The following ANKS1B variants were observed in gnomAD, a reference collection of about 807,000 sequenced individuals.
ANKS1B encodes the protein ankyrin repeat and sterile alpha motif domain-containing protein 1B.
A neutral mutation model predicts 148.3 loss-of-function variants in ANKS1B; 36 were observed. The observed-to-expected ratio is 0.24, with a 90% confidence interval of 0.19 to 0.32. The LOEUF is 0.32. Ranked by LOEUF, ANKS1B falls within the 10% of genes least tolerant of loss-of-function variation. The pLI is 1.00. For synonymous variants in ANKS1B, 542 were observed against 560.8 expected (o/e 0.97, Z 0.47); for missense variants, 1,157 against 1,542.6 (o/e 0.75, Z 4.19).
intron 14 of ANKS1B, among the ~76,000 whole-genome samples, chr12:99,208,780 T>G (rs1232482474): frequency 6.6e-6 from 1 of 152,214 alleles, no homozygotes; most frequent in Non-Finnish European, 1.5e-5. Flanking sequence ...TATGGCTTTT[T>G]AATTTGAAAC....
intron 2 of ANKS1B, among the ~76,000 whole-genome samples, chr12:99,818,452 T>C (rs1481838370): frequency 1.3e-5 from 2 of 151,786 alleles, no homozygotes; most frequent in African/African-American, 2.4e-5. Flanking sequence ...AAATTAATGT[T>C]AAAAAATTCA....
intron 14 of ANKS1B, among the ~76,000 whole-genome samples, chr12:99,244,030 GACTT>G (rs1405313338): frequency 6.6e-6 from 1 of 150,910 alleles, no homozygotes; most frequent in East Asian, 1.9e-4. Context: ...ATAAAAAAAA[GACTT>G]ACAACCAACA....
In ANKS1B at chr12:98,744,259, T is replaced by C. The variant is rs1267916188; in HGVS notation, c.*1480A>G. 2.1e-6 allele frequency: 2 copies of C among 947,474 alleles called. No homozygotes were observed. The highest frequency in any genetic ancestry group is 5.4e-4 in the Middle Eastern group (1 of 1,860). 58.7% of individuals were successfully genotyped at this position (947,474 alleles called of 1,614,324 possible). A position where few individuals can be genotyped will look rare whatever the true frequency, so the allele number is the denominator to read the frequency against. On this transcript the variant is annotated 3_prime_UTR_variant, in exon 27 of 27. Transcript: ENST00000683438. ...ATATTGTATTAAAATTCTTCAACAC[T>C]GAACTAAAACCGTATACATTTGTTA... is the stretch of plus-strand genomic sequence containing the variant.
rs763344359 is a variant in ANKS1B, at chr12:99,876,579, A to G, written c.135-51190T>C. ...CTCTACTAAAAAATATATATACAAA[A>G]AAATTAGCCGGGAGTGGTGGCGTGC... is the stretch of plus-strand genomic sequence containing the variant. On this transcript the variant is annotated intron_variant, in intron 1 of 26. Transcript: ENST00000683438. Among the ~76,000 whole-genome samples, 48 of 152,082 alleles carry G rather than the reference A, an allele frequency of 3.2e-4. 1 individual carries two copies. The highest frequency in any genetic ancestry group is 3.4e-3 in the Middle Eastern group (1 of 294).
intron 17 of ANKS1B, among the ~76,000 whole-genome samples, chr12:98,940,829 TG>T (rs1194705240): frequency 6.6e-6 from 1 of 152,218 alleles, no homozygotes; most frequent in Non-Finnish European, 1.5e-5. Context: ...GAGATCCATT[TG>T]TTTGAATATG....
In ANKS1B at chr12:99,806,516, T is replaced by A. The variant is rs1388559971; in HGVS notation, c.557A>T (p.Asn186Ile). 1 of 1,613,860 alleles carries A rather than the reference T, an allele frequency of 6.2e-7. No individual in the cohort carries two copies. The highest frequency in any genetic ancestry group is 8.5e-7 in the Non-Finnish European group (1 of 1,179,854). The stretch of plus-strand genomic sequence containing the variant: ...CTTGCGAGTGTTGCAGCTCATTAAG[T>A]TAGGATGTGCACTGATGATCATTTT... ...VVKMIISAHP[N>I]LMSCNTRKHT... The change falls in exon 4 of 27, where the codon AAC becomes ATC. Residue 186 changes from asparagine (N) to isoleucine (I), a missense_variant. Physicochemically the swap from Asn to Ile is moderately radical, Grantham distance 149 (BLOSUM62 -3). This residue lies in a region of ANKS1B where 164 missense variants were observed against 232.6 expected (regional missense o/e 0.71). Transcript: ENST00000683438.
At chr12:99,824,979 A>G (rs944626835) in intron 2 of ANKS1B, among the ~76,000 whole-genome samples, 1 of 152,186 alleles carries the variant, frequency 6.6e-6, no homozygotes, top group Non-Finnish European at 1.5e-5. Context: ...GGAGACACCA[A>G]AAAAGGTAAA....
intron 1 of ANKS1B, among the ~76,000 whole-genome samples, chr12:99,854,374 G>C (rs930895897): frequency 2.0e-5 from 3 of 152,122 alleles, no homozygotes; most frequent in Admixed American, 6.5e-5. Context: ...TTTTAAAAAG[G>C]AACAAAGCCT....
chr12:99,584,389 C>T (rs1405073980), intron 9 of ANKS1B, among the ~76,000 whole-genome samples: 1 of 152,110 alleles, frequency 6.6e-6, no homozygotes. Flanking sequence ...TGCTTGAGCC[C>T]AGGAGTTTGA....
chr12:99,564,053 A>T (rs963210991), intron 9 of ANKS1B, among the ~76,000 whole-genome samples: 7 of 152,160 alleles, frequency 4.6e-5, no homozygotes, highest in African/African-American at 1.7e-4. Context: ...TTCTCTAGAG[A>T]TGAAAATTTG....
chr12:98,837,316 G>A (rs1168798967), intron 17 of ANKS1B, among the ~76,000 whole-genome samples: 6 of 148,378 alleles, frequency 4.0e-5, no homozygotes, highest in South Asian at 4.2e-4. Flanking sequence ...CAGCCTGGGC[G>A]ATGGAGCAAG....
chr12:99,775,505 C>G (rs1275921059), intron 7 of ANKS1B, 43 bp downstream of exon 7: 2 of 1,353,284 alleles, frequency 1.5e-6, no homozygotes, highest in African/African-American at 1.4e-5. Context: ...ACTGTACATA[C>G]AAGTCTAGTA....
intron 9 of ANKS1B, among the ~76,000 whole-genome samples, chr12:99,577,874 C>T (rs542943395): frequency 2.0e-5 from 3 of 152,064 alleles, no homozygotes; most frequent in Non-Finnish European, 4.4e-5. Context: ...CTATCTCATC[C>T]TATAAGGCCA....
chr12:99,450,874 T>C (rs1048746357), intron 10 of ANKS1B, among the ~76,000 whole-genome samples: 6 of 152,176 alleles, frequency 3.9e-5, no homozygotes, highest in Non-Finnish European at 8.8e-5. Flanking sequence ...AATTCCATGA[T>C]CCTTTCAAAG....
At chr12:99,788,531 C>G (rs2065245876) in intron 4 of ANKS1B, among the ~76,000 whole-genome samples, 1 of 152,292 alleles carries the variant, frequency 6.6e-6, no homozygotes, top group African/African-American at 2.4e-5. Flanking sequence ...TCATCCAGCA[C>G]AGTCCCAGCT....
At chr12:99,822,615 C>G (rs1045816177) in intron 2 of ANKS1B, among the ~76,000 whole-genome samples, 2 of 152,154 alleles carry the variant, frequency 1.3e-5, no homozygotes, top group Admixed American at 6.6e-5. Flanking sequence ...GCAAAGGACA[C>G]AATTTCATTC....
At chr12:99,163,735 G>T (rs1407455375) in intron 14 of ANKS1B, among the ~76,000 whole-genome samples, 1 of 151,994 alleles carries the variant, frequency 6.6e-6, no homozygotes, top group African/African-American at 2.4e-5. Context: ...GTAACATTTT[G>T]GAATTGGGAT....
chr12:99,018,865 C>G (rs2099944083), intron 17 of ANKS1B, among the ~76,000 whole-genome samples: 1 of 152,186 alleles, frequency 6.6e-6, no homozygotes, highest in Non-Finnish European at 1.5e-5. Context: ...ATCATTTGAA[C>G]CCGGGAGGCA....
chr12:99,648,360 G>A, intron 9 of ANKS1B: 2 of 1,614,156 alleles, frequency 1.2e-6, no homozygotes, highest in Non-Finnish European at 1.7e-6. Flanking sequence ...TGATTGACGT[G>A]CACAACCGTG....
Sources: gnomAD v4.1 joint callset for allele counts (sites outside exome capture counted in the v4.1 genomes callset) on GRCh38, gnomAD v4.1.1 for gene constraint, gnomAD v4.1.1 regional missense constraint, MANE v1.5 for transcripts, NCBI Gene and HGNC (gene_info 2026-07-23, HGNC 2026-07-21) for gene names.